Variants in INTS14 observed in about 807,000 individuals in gnomAD.
INTS14 encodes the protein integrator complex subunit 14.
A neutral mutation model predicts 56.9 loss-of-function variants in INTS14; 27 were observed. That is an observed-to-expected ratio of 0.47 (90% confidence interval 0.35 to 0.65). The LOEUF is 0.65. INTS14 is among the 30% of genes least tolerant of loss of function. The pLI, the probability that INTS14 is intolerant of heterozygous loss-of-function variation, is 0.00. For synonymous variants in INTS14, 207 were observed against 236.2 expected (o/e 0.88, Z 1.13); for missense variants, 517 against 632.2 (o/e 0.82, Z 1.95).
chr15:65,598,068 C>G (rs2073278099), intron 6 of INTS14, among the ~76,000 whole-genome samples: 1 of 152,182 alleles, frequency 6.6e-6, no homozygotes, highest in Admixed American at 6.5e-5. Context: ...AAAGGAAATG[C>G]TCACTGGAGC....
At chr15:65,598,765 A>G (rs936841707) in intron 5 of INTS14, 107 bp downstream of exon 5, 31 of 972,828 alleles carry the variant, frequency 3.2e-5, no homozygotes, top group Non-Finnish European at 4.6e-5. Flanking sequence ...CAACTTGGGG[A>G]AAATGAAATG....
chr15:65,607,260 G>A lies in INTS14; in HGVS notation c.121C>T (p.His41Tyr). The A allele has an allele frequency of 1.2e-6, 2 of 1,614,184 alleles. No homozygotes were observed. The highest frequency in any genetic ancestry group is 1.7e-6 in the Non-Finnish European group (2 of 1,180,034). ...AAHGLTMLFEHMATNYKLEFT... is the reference protein window; with the variant it reads ...AAHGLTMLFEYMATNYKLEFT... ...TCAAGCTTGTAATTTGTGGCCATGTGCTCAAACAGCATCGTTAAACCATGG... is the reference window on the plus strand; with the variant it reads ...TCAAGCTTGTAATTTGTGGCCATGTACTCAAACAGCATCGTTAAACCATGG... Residue 41 changes from histidine to tyrosine, a missense_variant, in exon 2 of 12, where the codon CAC becomes TAC. His to Tyr is a moderately conservative substitution (Grantham distance 83, BLOSUM62 2). Transcript: ENST00000313182.
At chr15:65,596,235 G>C (rs1355579998) in intron 6 of INTS14, among the ~76,000 whole-genome samples, 1 of 152,156 alleles carries the variant, frequency 6.6e-6, no homozygotes, top group Non-Finnish European at 1.5e-5. Flanking sequence ...CTCTGAGAAA[G>C]AACTGTATTC....
chr15:65,598,298 A>G (rs562404641), intron 6 of INTS14, 23 bp downstream of exon 6: 1 of 1,601,606 alleles, frequency 6.2e-7, no homozygotes, highest in African/African-American at 1.3e-5. Context: ...GAAACTAAGA[A>G]ATAAGTTTTT....
rs2073439647 is a variant in INTS14 at position 65,601,653 on chromosome 15, T to G, written c.331-1724A>C. 2.0e-5 allele frequency among the ~76,000 whole-genome samples: 3 copies of G among 152,306 alleles called. No homozygotes were observed. The South Asian group carries it at 6.2e-4, about 32-fold the overall frequency. On this transcript the variant is annotated intron_variant, in intron 3 of 11. Transcript: ENST00000313182. ...ACCGCGCCCGGCCCTTAAGGCAGTATTAAGTGGTGGCACTGTGTGAAATAT... is the reference window on the plus strand; with the variant it reads ...ACCGCGCCCGGCCCTTAAGGCAGTAGTAAGTGGTGGCACTGTGTGAAATAT...
At chr15:65,587,281 A>G (rs1279671956) in intron 9 of INTS14, among the ~76,000 whole-genome samples, 1 of 152,168 alleles carries the variant, frequency 6.6e-6, no homozygotes, top group African/African-American at 2.4e-5. Context: ...ACTCAGGACA[A>G]CACCTATGCA....
At chr15:65,596,517 C>T (rs1202016286) in intron 6 of INTS14, among the ~76,000 whole-genome samples, 1 of 152,072 alleles carries the variant, frequency 6.6e-6, no homozygotes, top group Non-Finnish European at 1.5e-5. Flanking sequence ...TAGATTAATA[C>T]CCATATTTTC....
chr15:65,590,335 CCT>C (rs1198828907), intron 9 of INTS14, among the ~76,000 whole-genome samples: 1 of 152,244 alleles, frequency 6.6e-6, no homozygotes. Context: ...CTGGTATCCC[CCT>C]GTTCTCACTG....
rs779285193 is a variant in INTS14 at position 65,584,905 on chromosome 15, T to A, written c.1121-17A>T. On this transcript the variant is annotated splice_polypyrimidine_tract_variant and intron_variant, in intron 9 of 11. Transcript: ENST00000313182. ...CTTTAGCATCTTAAAAGAAAAGACATTCTTGAAATGACATCTGGTAAAACA... is the reference window on the plus strand; with the variant it reads ...CTTTAGCATCTTAAAAGAAAAGACAATCTTGAAATGACATCTGGTAAAACA... The A allele has an allele frequency of 1.9e-6, 3 of 1,597,604 alleles. No individual in the cohort carries two copies. In the Admixed American group the frequency reaches 5.1e-5, roughly 27 times the overall value.
chr15:65,608,235 G>A (rs897118832), intron 1 of INTS14, among the ~76,000 whole-genome samples: 1 of 151,880 alleles, frequency 6.6e-6, no homozygotes, highest in Admixed American at 6.6e-5. Flanking sequence ...AATCAGCCAG[G>A]CATGGTGGCT....
chr15:65,590,538 T>G (rs931387368), intron 9 of INTS14, among the ~76,000 whole-genome samples: 2 of 152,214 alleles, frequency 1.3e-5, no homozygotes, highest in African/African-American at 4.8e-5. Flanking sequence ...TCTGTAGGTG[T>G]TCTGTTTGCC....
rs756566072 is a variant in INTS14, at chr15:65,599,904, AGACAGCCGTCTGTCACCAG to A, written c.337_355del (p.Val114AlafsTer11). 9 of 1,613,346 alleles carry A rather than the reference AGACAGCCGTCTGTCACCAG, an allele frequency of 5.6e-6. No homozygotes were observed. Among genetic ancestry groups the A allele is most frequent in the Non-Finnish European group, 7.6e-6 (9 of 1,179,778 alleles). ...TCGCAGTGACCCTCTACCAATGCCAAGACAGCCGTCTGTCACCAGGACAACCTGTTTGTAAAAAGAGAGA... is the reference window on the plus strand; with the variant it reads ...TCGCAGTGACCCTCTACCAATGCCAAGACAACCTGTTTGTAAAAAGAGAGA... On this transcript the variant is annotated frameshift_variant, in exon 4 of 12. Transcript: ENST00000313182. LOFTEE classifies it high-confidence loss of function.
intron 1 of INTS14, 185 bp downstream of exon 1, chr15:65,610,913 C>A: frequency 3.4e-6 from 5 of 1,467,166 alleles, no homozygotes; most frequent in Non-Finnish European, 4.5e-6. Flanking sequence ...GACCCCGAGC[C>A]TCAGAGCGAG....
At chr15:65,584,681 C>A in intron 10 of INTS14, 89 bp downstream of exon 10, 2 of 1,127,538 alleles carry the variant, frequency 1.8e-6, no homozygotes, top group Non-Finnish European at 2.6e-6. Context: ...TACTAAGTAT[C>A]AAAGGAAAAG....
chr15:65,581,095 T>C (rs1003383641), intron 11 of INTS14, among the ~76,000 whole-genome samples: 4 of 151,684 alleles, frequency 2.6e-5, no homozygotes, highest in Non-Finnish European at 5.9e-5. Flanking sequence ...AATACAAAAA[T>C]TAGGCCGGGA....
At chr15:65,601,765 A>G (rs1036622886) in intron 3 of INTS14, among the ~76,000 whole-genome samples, 12 of 152,218 alleles carry the variant, frequency 7.9e-5, no homozygotes, top group African/African-American at 2.7e-4. Flanking sequence ...CAGTCAATTG[A>G]CTACAAGGCA....
chr15:65,598,363 C>A lies in INTS14; in HGVS notation c.706G>T (p.Val236Leu). 6.2e-7 allele frequency: 1 copy of A among 1,614,104 alleles called. No individual in the cohort carries two copies. Among genetic ancestry groups the A allele is most frequent in the Non-Finnish European group, 8.5e-7 (1 of 1,179,990 alleles). Residue 236 changes from valine to leucine, a missense_variant, in exon 6 of 12, where the codon GTA becomes TTA. Val to Leu is a conservative substitution (Grantham distance 32). Transcript: ENST00000313182. ...GGGATAGGATCAATTTCTTCATCTACAACAAAAGGTTCTGGCCTGGGGAAG... is the reference window on the plus strand; with the variant it reads ...GGGATAGGATCAATTTCTTCATCTAAAACAAAAGGTTCTGGCCTGGGGAAG... Reference protein sequence around the residue: ...QVFPRPEPFVVDEEIDPIPKV... With the variant: ...QVFPRPEPFVLDEEIDPIPKV...
rs1351594198 is a variant in INTS14 at position 65,605,142 on chromosome 15, G to GCAC, written c.314_316dup (p.Gly105dup). 3 of 1,613,618 alleles carry GCAC rather than the reference G, an allele frequency of 1.9e-6. No homozygotes were observed. Among genetic ancestry groups the GCAC allele is most frequent in the Non-Finnish European group, 2.5e-6 (3 of 1,179,504 alleles). The stretch of plus-strand genomic sequence containing the variant: ...ATTGATCATTACCTGGCAAGGAATT[G>GCAC]CACCACCCCATTCTTGCTGAACGAT... On this transcript the variant is annotated inframe_insertion, in exon 3 of 12. Coordinates refer to ENST00000313182, the MANE Select transcript of INTS14 (RefSeq NM_001394796.1).
In INTS14 at chr15:65,591,672, A is replaced by G. The variant is rs1291819311; in HGVS notation, c.1046T>C (p.Met349Thr). 1.2e-6 allele frequency: 2 copies of G among 1,614,208 alleles called. No homozygotes were observed. Among genetic ancestry groups the G allele is most frequent in the Non-Finnish European group, 1.7e-6 (2 of 1,180,012 alleles). ...QADSKKKSNLMMSLFEPGPEP... is the reference protein window; with the variant it reads ...QADSKKKSNLTMSLFEPGPEP... ...TGGGCCAGGCTCAAAGAGAGACATC[A>G]TGAGGTTTGATTTCTTCTTGCTGTC... The change falls in exon 9 of 12, where the codon ATG (methionine) becomes ACG (threonine). Residue 349 changes from methionine (M) to threonine (T), a missense_variant. Coordinates refer to ENST00000313182, the MANE Select transcript of INTS14 (RefSeq NM_001394796.1).
Sources: gnomAD v4.1 joint callset for allele counts (sites outside exome capture counted in the v4.1 genomes callset) on GRCh38, gnomAD v4.1.1 for gene constraint, MANE v1.5 for transcripts, NCBI Gene and HGNC (gene_info 2026-07-23, HGNC 2026-07-21) for gene names.